RIT2: variants seen among roughly 807,000 people sequenced by gnomAD.
The protein encoded by RIT2 is Ras like without CAAX 2, also known as GTP-binding protein Rit2.
A neutral mutation model predicts 23.7 loss-of-function variants in RIT2; 24 were observed. The observed-to-expected ratio is 1.01, with a 90% CI of 0.73 to 1.43. RIT2 has a LOEUF of 1.43. Among genes scored for constraint, RIT2 ranks in the 40% most tolerant of loss-of-function variants. The probability of loss-of-function intolerance (pLI) is 0.00; values close to 1 mark genes in which losing one functional copy is unlikely to be tolerated. For missense variants in RIT2, 236 were observed against 266.9 expected, an observed-to-expected ratio of 0.88 and a Z score of 0.81; for synonymous variants, 107 against 91.1, an observed-to-expected ratio of 1.17 and a Z score of -0.99.
At chr18:43,065,107 C>T (rs1042779080) in intron 1 of RIT2, among the ~76,000 whole-genome samples, 35 of 151,982 alleles carry the variant, frequency 2.3e-4, no homozygotes, top group African/African-American at 7.5e-4. Context: ...GGTGAGCCAC[C>T]ACTCCTAGCC....
In RIT2 at chr18:42,983,294, C is replaced by G. The variant is rs559645944; in HGVS notation, c.161-9147G>C. On this transcript the variant is annotated intron_variant, in intron 2 of 4. Transcript: ENST00000326695. ...GCGTTTTTAACCAGTGGTGTGGGAC[C>G]AACTAAAACCCCATTGGCAAAACAA... is the stretch of plus-strand genomic sequence containing the variant. 2.3e-3 allele frequency among the ~76,000 whole-genome samples: 343 copies of G among 151,970 alleles called. 2 individuals are homozygous for G. Among genetic ancestry groups the G allele is most frequent in the African/African-American group, 7.7e-3 (318 of 41,496 alleles).
chr18:42,951,111 G>T (rs1340855686), intron 3 of RIT2, among the ~76,000 whole-genome samples: 1 of 152,018 alleles, frequency 6.6e-6, no homozygotes, highest in East Asian at 1.9e-4. Context: ...AAAGACACAT[G>T]CACTTGCATG....
chr18:42,827,559 A>G (rs181151134), intron 4 of RIT2, among the ~76,000 whole-genome samples: 80 of 152,300 alleles, frequency 5.3e-4, no homozygotes, highest in African/African-American at 1.8e-3. Flanking sequence ...AGCATAAAAA[A>G]GAAAAAGGGA....
chr18:43,101,299 G>A (rs1364632312), intron 1 of RIT2, among the ~76,000 whole-genome samples: 1 of 152,058 alleles, frequency 6.6e-6, no homozygotes, highest in African/African-American at 2.4e-5. Flanking sequence ...TACAGTGGCT[G>A]TATGAATTCT....
chr18:42,871,439 A>G (rs1369077043), intron 4 of RIT2, among the ~76,000 whole-genome samples: 2 of 152,204 alleles, frequency 1.3e-5, no homozygotes. Flanking sequence ...ATAATTAAAC[A>G]CATTTTATAT....
At chr18:42,842,779 T>A (rs1487362046) in intron 4 of RIT2, among the ~76,000 whole-genome samples, 2 of 151,968 alleles carry the variant, frequency 1.3e-5, no homozygotes, top group African/African-American at 2.4e-5. Context: ...ACACAAAAAA[T>A]TCAGTCATCC....
At chr18:42,986,908 T>A (rs1318742529) in intron 2 of RIT2, among the ~76,000 whole-genome samples, 1 of 152,100 alleles carries the variant, frequency 6.6e-6, no homozygotes, top group African/African-American at 2.4e-5. Flanking sequence ...ATTAAAACAA[T>A]GATAATGATA....
intron 3 of RIT2, among the ~76,000 whole-genome samples, chr18:42,929,760 A>G (rs1342041648): frequency 6.6e-6 from 1 of 152,178 alleles, no homozygotes; most frequent in Non-Finnish European, 1.5e-5. Flanking sequence ...AGCTGCAGCA[A>G]TTGCCAGCTC....
intron 4 of RIT2, among the ~76,000 whole-genome samples, chr18:42,898,468 T>C (rs1364591390): frequency 1.3e-5 from 2 of 152,066 alleles, no homozygotes; most frequent in Non-Finnish European, 2.9e-5. Context: ...GGTTTAAACA[T>C]TGAGGACCAG....
chr18:42,779,840 T>G (rs1188608675), intron 4 of RIT2, among the ~76,000 whole-genome samples: 1 of 152,100 alleles, frequency 6.6e-6, no homozygotes, highest in Non-Finnish European at 1.5e-5. Flanking sequence ...ACTCTGACTT[T>G]GCCACTAACT....
intron 4 of RIT2, among the ~76,000 whole-genome samples, chr18:42,815,425 A>G (rs542736379): frequency 1.3e-5 from 2 of 152,320 alleles, no homozygotes; most frequent in East Asian, 3.9e-4. Flanking sequence ...AGACAAAGGA[A>G]AAAGAATGAG....
intron 1 of RIT2, among the ~76,000 whole-genome samples, chr18:43,096,434 AC>A (rs983244862): frequency 1.3e-5 from 2 of 151,838 alleles, no homozygotes; most frequent in South Asian, 2.1e-4. Flanking sequence ...GTATAATATC[AC>A]AGAAGATTAT....
chr18:42,815,541 C>T (rs76910961), intron 4 of RIT2, among the ~76,000 whole-genome samples: 5,272 of 152,214 alleles, frequency 0.035, 307 homozygotes, highest in African/African-American at 0.12. Context: ...GTTTGGCAAA[C>T]ATATTTGGGG....
intron 2 of RIT2, among the ~76,000 whole-genome samples, chr18:43,017,187 C>A (rs1406846498): frequency 1.3e-5 from 2 of 151,898 alleles, no homozygotes; most frequent in African/African-American, 4.8e-5. Context: ...ATGATAATTA[C>A]ACAAATTGGG....
intron 1 of RIT2, among the ~76,000 whole-genome samples, chr18:43,053,114 T>G (rs1023542853): frequency 6.6e-6 from 1 of 152,050 alleles, no homozygotes; most frequent in African/African-American, 2.4e-5. Flanking sequence ...GGCTTTGAAG[T>G]CAGGGTACCA....
chr18:43,051,151 CT>C (rs1221722701), intron 1 of RIT2, among the ~76,000 whole-genome samples: 6 of 152,130 alleles, frequency 3.9e-5, no homozygotes, highest in African/African-American at 1.4e-4. Context: ...AGTGTCCCCC[CT>C]GACTTAGAGG....
intron 4 of RIT2, among the ~76,000 whole-genome samples, chr18:42,834,056 A>C (rs1293278903): frequency 6.6e-6 from 1 of 152,130 alleles, no homozygotes; most frequent in Non-Finnish European, 1.5e-5. Context: ...AAGAGACGTA[A>C]AATAACTTGC....
chr18:42,947,726 C>G (rs754993163), intron 3 of RIT2, among the ~76,000 whole-genome samples: 1 of 152,042 alleles, frequency 6.6e-6, no homozygotes, highest in African/African-American at 2.4e-5. Flanking sequence ...GTCAGTAGCA[C>G]GTGGACTATG....
intron 4 of RIT2, among the ~76,000 whole-genome samples, chr18:42,823,714 C>T (rs1396502100): frequency 6.6e-6 from 1 of 152,124 alleles, no homozygotes; most frequent in Non-Finnish European, 1.5e-5. Context: ...TGCACCAGTA[C>T]TACACCAGAA....
Sources: allele counts gnomAD v4.1 joint callset (sites outside exome capture counted in the v4.1 genomes callset), GRCh38; gene constraint gnomAD v4.1.1; transcripts MANE v1.5; gene names NCBI Gene and HGNC (gene_info 2026-07-23, HGNC 2026-07-21).